EHBP1: variants seen among roughly 807,000 people sequenced by gnomAD.
EHBP1 encodes EH domain-binding protein 1.
Under a neutral mutation model 144.0 loss-of-function variants are expected in EHBP1, and 55 were observed. The observed-to-expected ratio is 0.38, with a 90% CI of 0.31 to 0.48. The LOEUF (loss-of-function observed/expected upper bound fraction) is 0.48. Among genes scored for constraint, EHBP1 ranks in the 20% least tolerant of loss-of-function variants. The pLI is 0.98. For synonymous variants in EHBP1, 469 were observed against 472.7 expected (o/e 0.99, Z 0.10); for missense variants, 1,200 against 1,364.2 (o/e 0.88, Z 1.90).
At chr2:62,878,974 T>G (rs1418354152) in intron 10 of EHBP1, among the ~76,000 whole-genome samples, 2 of 150,260 alleles carry the variant, frequency 1.3e-5, no homozygotes, top group African/African-American at 4.9e-5. Flanking sequence ...CCCAAGATTG[T>G]GCCACTGCAC....
intron 10 of EHBP1, among the ~76,000 whole-genome samples, chr2:62,912,194 T>C (rs1293337057): frequency 6.6e-6 from 1 of 152,192 alleles, no homozygotes; most frequent in East Asian, 1.9e-4. Flanking sequence ...CATTAAATCC[T>C]ATGTTGTTGT....
At chr2:62,766,897 C>T (rs1463728794) in intron 4 of EHBP1, among the ~76,000 whole-genome samples, 1 of 150,386 alleles carries the variant, frequency 6.6e-6, no homozygotes, top group South Asian at 2.1e-4. Context: ...TCTACAATCC[C>T]TTATATACTA....
At chr2:62,703,104 A>T (rs530882705), upstream of EHBP1, among the ~76,000 whole-genome samples, 11 of 152,276 alleles carry the variant, frequency 7.2e-5, no homozygotes, top group South Asian at 2.3e-3. Flanking sequence ...TGAGGCAGGC[A>T]GATCACTTGA....
chr2:62,985,612 C>G (rs888134686), intron 15 of EHBP1, among the ~76,000 whole-genome samples: 2 of 152,070 alleles, frequency 1.3e-5, no homozygotes, highest in African/African-American at 2.4e-5. Flanking sequence ...CAAGTCTTAC[C>G]TTCTGTTATT....
intron 1 of EHBP1, among the ~76,000 whole-genome samples, chr2:62,675,441 A>T (rs756320244): frequency 6.6e-5 from 10 of 152,196 alleles, no homozygotes; most frequent in Non-Finnish European, 1.3e-4. Context: ...TTTTGTGAAT[A>T]TACTGAAGGT....
At chr2:62,678,250 T>C (rs1398484717) in intron 1 of EHBP1, among the ~76,000 whole-genome samples, 1 of 152,380 alleles carries the variant, frequency 6.6e-6, no homozygotes, top group East Asian at 1.9e-4. Context: ...TTGAAAATTT[T>C]TTCATATACC....
At chr2:62,933,859 T>C (rs561052948) in intron 10 of EHBP1, among the ~76,000 whole-genome samples, 1 of 152,338 alleles carries the variant, frequency 6.6e-6, no homozygotes, top group South Asian at 2.1e-4. Flanking sequence ...ATATGATATA[T>C]GCATGTTTGT....
At chr2:62,873,011 A>G (rs2050606503) in intron 9 of EHBP1, among the ~76,000 whole-genome samples, 1 of 152,186 alleles carries the variant, frequency 6.6e-6, no homozygotes, top group Non-Finnish European at 1.5e-5. Flanking sequence ...TCAGAGGTGA[A>G]TTACAAGTGT....
chr2:62,943,751 G>A lies in EHBP1; in HGVS notation c.1365-51G>A, dbSNP rs569381771. On this transcript the variant is annotated intron_variant, in intron 11 of 22. Coordinates refer to ENST00000431489, the MANE Select transcript of EHBP1 (RefSeq NM_001142616.3). ...TTAGATTCAGTTTGTTTTAAAAACA[G>A]CTGTTTTTATCAAATACTATATGTA... 1.5e-4 allele frequency: 195 copies of A among 1,269,462 alleles called. 1 individual carries two copies. In the South Asian group the frequency reaches 3.1e-3, roughly 20 times the overall value. 78.6% of individuals were successfully genotyped at this position (1,269,462 alleles called of 1,614,324 possible). A position where few individuals can be genotyped will look rare whatever the true frequency, so the allele number is the denominator to read the frequency against.
At chr2:62,873,914 G>A (rs993287924) in intron 9 of EHBP1, among the ~76,000 whole-genome samples, 1 of 152,138 alleles carries the variant, frequency 6.6e-6, no homozygotes, top group Non-Finnish European at 1.5e-5. Flanking sequence ...GCTAAAACAT[G>A]TTCCGTAATG....
At chr2:63,008,251 G>A (rs1052303824) in intron 19 of EHBP1, among the ~76,000 whole-genome samples, 1 of 151,624 alleles carries the variant, frequency 6.6e-6, no homozygotes, top group African/African-American at 2.4e-5. Context: ...AGTACATGCT[G>A]GGGTGGACTA....
At chr2:62,678,857 AT>A (rs1186074525) in intron 1 of EHBP1, among the ~76,000 whole-genome samples, 1 of 152,116 alleles carries the variant, frequency 6.6e-6, no homozygotes, top group African/African-American at 2.4e-5. Context: ...TGTCTTTTTT[AT>A]AACCCATTTC....
At chr2:62,933,028 G>A (rs1433946611) in intron 10 of EHBP1, among the ~76,000 whole-genome samples, 1 of 149,388 alleles carries the variant, frequency 6.7e-6, no homozygotes, top group Non-Finnish European at 1.5e-5. Context: ...TTATTAAAAA[G>A]TTATTGAGGA....
chr2:62,930,079 C>G (rs2055863765), intron 10 of EHBP1, among the ~76,000 whole-genome samples: 1 of 152,012 alleles, frequency 6.6e-6, no homozygotes, highest in Non-Finnish European at 1.5e-5. Flanking sequence ...AAACCCCCAT[C>G]TCTACAAAAC....
At chr2:63,040,888 A>G (rs1479758678) in intron 21 of EHBP1, among the ~76,000 whole-genome samples, 1 of 152,234 alleles carries the variant, frequency 6.6e-6, no homozygotes, top group Non-Finnish European at 1.5e-5. Context: ...ACACATTCAG[A>G]TGAATAGCCT....
chr2:62,835,857 G>T (rs1199612966), intron 7 of EHBP1, among the ~76,000 whole-genome samples: 1 of 152,102 alleles, frequency 6.6e-6, no homozygotes, highest in Admixed American at 6.5e-5. Flanking sequence ...ACGGAATCTG[G>T]CTGATTGCTA....
intron 5 of EHBP1, among the ~76,000 whole-genome samples, chr2:62,781,398 G>T (rs545320942): frequency 6.6e-6 from 1 of 152,002 alleles, no homozygotes. Context: ...GAAGCTATTC[G>T]TGGTATTTAT....
chr2:62,688,351 A>AT (rs1288008293), intron 1 of EHBP1, among the ~76,000 whole-genome samples: 1 of 152,020 alleles, frequency 6.6e-6, no homozygotes, highest in African/African-American at 2.4e-5. Flanking sequence ...TTTATTAAAA[A>AT]TTTTTTTCAT....
At chr2:62,791,633 G>A (rs184001264) in intron 5 of EHBP1, among the ~76,000 whole-genome samples, 95 of 151,996 alleles carry the variant, frequency 6.3e-4, no homozygotes, top group African/African-American at 2.0e-3. Flanking sequence ...ATAAAAAATA[G>A]GTTATGATGT....
Sources: gnomAD v4.1 joint callset for allele counts (sites outside exome capture counted in the v4.1 genomes callset) on GRCh38, gnomAD v4.1.1 for gene constraint, MANE v1.5 for transcripts, NCBI Gene and HGNC (gene_info 2026-07-23, HGNC 2026-07-21) for gene names.